Variants in FAM227B observed in about 807,000 individuals in gnomAD.
FAM227B encodes the protein family with sequence similarity 227 member B.
A neutral mutation model predicts 73.8 loss-of-function variants in FAM227B; 88 were observed. The ratio of observed to expected loss-of-function variants is 1.19; its 90% CI spans 1.00 to 1.42. The LOEUF (loss-of-function observed/expected upper bound fraction) is 1.42. Ranked by LOEUF, FAM227B falls within the 40% of genes most tolerant of loss-of-function variation. FAM227B has a pLI of 0.00. For synonymous variants in FAM227B, 210 were observed against 190.5 expected, an observed-to-expected ratio of 1.10 and a Z score of -0.84; for missense variants, 632 against 590.9, an observed-to-expected ratio of 1.07 and a Z score of -0.72.
intron 13 of FAM227B, chr15:49,365,717 C>T: frequency 1.1e-6 from 1 of 897,242 alleles, no homozygotes; most frequent in South Asian, 1.3e-5. Context: ...AGACAGAAAG[C>T]AATCTCCAAG....
intron 10 of FAM227B, among the ~76,000 whole-genome samples, chr15:49,539,366 C>G (rs2070732156): frequency 6.6e-6 from 1 of 152,156 alleles, no homozygotes; most frequent in Non-Finnish European, 1.5e-5. Context: ...CCTAAAAATG[C>G]CAGGTTCAGT....
chr15:49,495,533 A>G (rs2152072047), intron 11 of FAM227B, among the ~76,000 whole-genome samples: 1 of 152,252 alleles, frequency 6.6e-6, no homozygotes, highest in East Asian at 1.9e-4. Flanking sequence ...TATTAATAGC[A>G]TATTTCTGGG....
intron 11 of FAM227B, among the ~76,000 whole-genome samples, chr15:49,408,901 T>A (rs182685615): frequency 1.1e-4 from 17 of 152,318 alleles, no homozygotes; most frequent in Admixed American, 5.9e-4. Flanking sequence ...CAGAGTCTGA[T>A]ACATAGTAGG....
chr15:49,486,356 C>T (rs1262541136), intron 11 of FAM227B: 3 of 151,944 alleles, frequency 2.0e-5, no homozygotes, highest in Admixed American at 6.6e-5. Context: ...TGAACTATCA[C>T]CTGATTCAAG....
intron 15 of FAM227B, chr15:49,330,306 A>G (rs2038416956): frequency 6.6e-6 from 1 of 152,260 alleles, no homozygotes; most frequent in African/African-American, 2.4e-5. Context: ...AAATCCAGGC[A>G]GCATTTAGAT....
rs35994302 is a variant in FAM227B at position 49,489,883 on chromosome 15, TAGAGAGAG to T, written c.1012+18320_1012+18327del. Among the ~76,000 whole-genome samples, 14 of 22,948 alleles carry T rather than the reference TAGAGAGAG, an allele frequency of 6.1e-4. 3 individuals are homozygous for T. Among genetic ancestry groups the T allele is most frequent in the East Asian group, 4.8e-3 (4 of 836 alleles). The allele number at this position is 22,948 out of a possible 152,430, so 15.1% of individuals were successfully genotyped here. ...TTTTATATATATATATATATATATA[TAGAGAGAG>T]AGAGAGAGAGAGAGAGAGAGAGACA... On this transcript the variant is annotated intron_variant, in intron 11 of 15. Transcript: ENST00000299338.
At chr15:49,330,960 C>A (rs146851655) in intron 15 of FAM227B, 3 of 152,134 alleles carry the variant, frequency 2.0e-5, no homozygotes, top group African/African-American at 7.2e-5. Flanking sequence ...GACCCTGTTT[C>A]AACAACAACA....
At chr15:49,403,341 G>A (rs1464026475) in intron 11 of FAM227B, among the ~76,000 whole-genome samples, 2 of 152,150 alleles carry the variant, frequency 1.3e-5, no homozygotes, top group Non-Finnish European at 2.9e-5. Context: ...AGTAGAAATG[G>A]TCCAGCTTTT....
intron 11 of FAM227B, among the ~76,000 whole-genome samples, chr15:49,489,706 A>G (rs968271431): frequency 6.8e-6 from 1 of 147,316 alleles, no homozygotes; most frequent in Non-Finnish European, 1.5e-5. Flanking sequence ...ACTTGAAAAC[A>G]ATTGATTTCA....
intron 11 of FAM227B, 61 bp from the exon 12 acceptor site, chr15:49,371,460 CATG>C (rs1463030279): frequency 4.1e-6 from 4 of 983,138 alleles, no homozygotes; most frequent in Non-Finnish European, 6.3e-6. Flanking sequence ...ACAGAAAAAG[CATG>C]ATACCTCTTT....
At chr15:49,396,779 T>C (rs1400228768) in intron 11 of FAM227B, among the ~76,000 whole-genome samples, 1 of 149,364 alleles carries the variant, frequency 6.7e-6, no homozygotes, top group Non-Finnish European at 1.5e-5. Flanking sequence ...GACCTGCGGC[T>C]GAGGGTCCTG....
At chr15:49,500,069 G>A (rs1448638218) in intron 11 of FAM227B, among the ~76,000 whole-genome samples, 1 of 152,088 alleles carries the variant, frequency 6.6e-6, no homozygotes, top group Non-Finnish European at 1.5e-5. Context: ...GCAACATACT[G>A]GGAGAAAATA....
At chr15:49,506,396 T>C (rs1308967322) in intron 11 of FAM227B, among the ~76,000 whole-genome samples, 1 of 152,058 alleles carries the variant, frequency 6.6e-6, no homozygotes, top group African/African-American at 2.4e-5. Context: ...CACACCAGAT[T>C]TAATCCACAG....
At chr15:49,358,710 C>G (rs1197806175) in intron 13 of FAM227B, among the ~76,000 whole-genome samples, 1 of 151,420 alleles carries the variant, frequency 6.6e-6, no homozygotes, top group Non-Finnish European at 1.5e-5. Context: ...CTACCAATGA[C>G]TTTCTTCACA....
intron 11 of FAM227B, among the ~76,000 whole-genome samples, chr15:49,395,764 C>G (rs570159714): frequency 1.3e-5 from 2 of 152,228 alleles, no homozygotes; most frequent in South Asian, 4.1e-4. Context: ...CTTGCAAATA[C>G]CTGGTTGGTC....
intron 9 of FAM227B, among the ~76,000 whole-genome samples, chr15:49,558,088 C>T (rs7167875): frequency 0.02 from 3,005 of 151,566 alleles, 123 homozygotes; most frequent in African/African-American, 0.07. Context: ...TGCTCCTCAT[C>T]CGGCAGGGCT....
At chr15:49,378,896 GT>G (rs905336472) in intron 11 of FAM227B, among the ~76,000 whole-genome samples, 1 of 151,972 alleles carries the variant, frequency 6.6e-6, no homozygotes, top group Admixed American at 6.6e-5. Context: ...AGAGCTTTTA[GT>G]TTTTCCTCAC....
rs769424963 is a variant in FAM227B at position 49,331,868 on chromosome 15, A to G, written c.1350-19T>C. 69 of 1,502,762 alleles carry G rather than the reference A, an allele frequency of 4.6e-5. No homozygotes were observed. Among genetic ancestry groups the G allele is most frequent in the Middle Eastern group, 3.4e-4 (2 of 5,878 alleles). 93.1% of individuals were successfully genotyped at this position (1,502,762 alleles called of 1,614,324 possible). On this transcript the variant is annotated intron_variant, in intron 14 of 15. Coordinates refer to ENST00000299338, the MANE Select transcript of FAM227B (RefSeq NM_152647.3). ...TTGGAGTCTAATCATGGAATAAAGA[A>G]AATCAGTAACCAAACTAATTGTCCT...
chr15:49,599,033 C>G lies in FAM227B; in HGVS notation c.106-9026G>C, dbSNP rs576963337. 8.8e-4 allele frequency among the ~76,000 whole-genome samples: 134 copies of G among 152,038 alleles called. 5 individuals are homozygous for G. In the South Asian group the frequency reaches 0.027, roughly 30 times the overall value. ...GAAAGATTGATACTAATTCTTCTTT[C>G]AATGTTTGGTAGGATTCATGAGTAA... On this transcript the variant is annotated intron_variant, in intron 3 of 15. Transcript: ENST00000299338.
Sources: allele counts gnomAD v4.1 joint callset (sites outside exome capture counted in the v4.1 genomes callset), GRCh38; gene constraint gnomAD v4.1.1; transcripts MANE v1.5; gene names NCBI Gene and HGNC (gene_info 2026-07-23, HGNC 2026-07-21).